The following TRAPPC9 variants were observed in gnomAD, a reference collection of about 807,000 sequenced individuals.
TRAPPC9 encodes the protein IKK2 binding protein.
Under a neutral mutation model 124.0 loss-of-function variants are expected in TRAPPC9, and 83 were observed. That is an observed-to-expected ratio of 0.67 (90% CI 0.56 to 0.80). The LOEUF is 0.80. Ranked by LOEUF, TRAPPC9 falls within the 30% of genes least tolerant of loss-of-function variation. The pLI, the probability that TRAPPC9 is intolerant of heterozygous loss-of-function variation, is 0.00. For missense variants in TRAPPC9, 1,302 were observed against 1,508.3 expected (o/e 0.86, Z 2.27); for synonymous variants, 638 against 617.5 (o/e 1.03, Z -0.49).
intron 7 of TRAPPC9, among the ~76,000 whole-genome samples, chr8:140,394,778 T>C (rs1268760572): frequency 6.6e-6 from 1 of 152,026 alleles, no homozygotes; most frequent in Non-Finnish European, 1.5e-5. Context: ...ACACCCAGTC[T>C]CTCTGCTCAG....
intron 17 of TRAPPC9, among the ~76,000 whole-genome samples, chr8:140,178,204 C>T (rs1587863491): frequency 6.6e-6 from 1 of 152,162 alleles, no homozygotes; most frequent in East Asian, 1.9e-4. Flanking sequence ...GCCTTCTTAC[C>T]GGCCTTAGGA....
intron 5 of TRAPPC9, among the ~76,000 whole-genome samples, chr8:140,420,516 T>G (rs2070164822): frequency 6.6e-6 from 1 of 152,204 alleles, no homozygotes; most frequent in African/African-American, 2.4e-5. Context: ...ATTTTTAAAT[T>G]TATTTATTTT....
At chr8:140,433,141 A>T (rs1330154267) in intron 4 of TRAPPC9, among the ~76,000 whole-genome samples, 3 of 151,108 alleles carry the variant, frequency 2.0e-5, no homozygotes, top group Non-Finnish European at 4.4e-5. Flanking sequence ...GTCTCTACAA[A>T]AATTAGCTGG....
chr8:140,316,250 C>A (rs1381455448), intron 9 of TRAPPC9, among the ~76,000 whole-genome samples: 1 of 152,050 alleles, frequency 6.6e-6, no homozygotes, highest in Non-Finnish European at 1.5e-5. Context: ...CTGAAGTAAT[C>A]TTTTTGATTT....
chr8:139,859,294 T>C (rs1426543642), intron 21 of TRAPPC9, among the ~76,000 whole-genome samples: 4 of 152,072 alleles, frequency 2.6e-5, no homozygotes, highest in Non-Finnish European at 5.9e-5. Flanking sequence ...GGCCGGCTCC[T>C]TTCCTGATCA....
intron 9 of TRAPPC9, among the ~76,000 whole-genome samples, chr8:140,346,657 G>A (rs1393593660): frequency 2.0e-5 from 3 of 152,192 alleles, no homozygotes; most frequent in Admixed American, 6.5e-5. Context: ...TGGGAAGAGG[G>A]AGGAGGAGAA....
In TRAPPC9 at chr8:139,795,041, C is replaced by A. The variant is rs555181148; in HGVS notation, c.3056-62839G>T. Among the ~76,000 whole-genome samples the A allele has an allele frequency of 2.0e-5, 3 of 152,196 alleles. No individual in the cohort carries two copies. In the South Asian group the frequency reaches 6.2e-4, roughly 32 times the overall value. ...TTACTACGTCCCAGTTATTTCTCATCCCTTAGCTTGCTTAGGCCTCTCAAC... is the reference window on the plus strand; with the variant it reads ...TTACTACGTCCCAGTTATTTCTCATACCTTAGCTTGCTTAGGCCTCTCAAC... On this transcript the variant is annotated intron_variant, in intron 21 of 22. Transcript: ENST00000438773.
chr8:140,196,674 C>G (rs368311626), intron 17 of TRAPPC9, among the ~76,000 whole-genome samples: 107 of 151,000 alleles, frequency 7.1e-4, no homozygotes, highest in South Asian at 4.8e-3. Flanking sequence ...AAAACACACT[C>G]AACAATCCAC....
intron 21 of TRAPPC9, among the ~76,000 whole-genome samples, chr8:139,858,895 C>A (rs1040205642): frequency 2.0e-5 from 3 of 149,756 alleles, no homozygotes; most frequent in African/African-American, 7.4e-5. Context: ...TCGCATAAGT[C>A]CCATCTCTCA....
intron 18 of TRAPPC9, among the ~76,000 whole-genome samples, chr8:140,020,922 ATAT>A (rs1374977853): frequency 6.6e-6 from 1 of 152,182 alleles, no homozygotes; most frequent in Non-Finnish European, 1.5e-5. Flanking sequence ...TAACCGTTTG[ATAT>A]TAAGATACCC....
intron 17 of TRAPPC9, chr8:140,098,941 T>C (rs2060512236): frequency 6.6e-6 from 1 of 152,044 alleles, no homozygotes; most frequent in Non-Finnish European, 1.5e-5. Context: ...AGTGCGCAGC[T>C]ACAGCATTCC....
intron 17 of TRAPPC9, among the ~76,000 whole-genome samples, chr8:140,053,770 T>C (rs1842136920): frequency 6.6e-6 from 1 of 152,250 alleles, no homozygotes; most frequent in African/African-American, 2.4e-5. Flanking sequence ...CCGTTACATC[T>C]TCCTGTTGAA....
intron 19 of TRAPPC9, among the ~76,000 whole-genome samples, chr8:139,945,633 C>G (rs1335725597): frequency 6.7e-6 from 1 of 149,626 alleles, no homozygotes; most frequent in Non-Finnish European, 1.5e-5. Context: ...AACTCCAGAG[C>G]TGGTGTGCAG....
chr8:139,784,608 C>CATACATATATATAT (rs1554643612), intron 21 of TRAPPC9, among the ~76,000 whole-genome samples: 52 of 88,650 alleles, frequency 5.9e-4, no homozygotes, highest in African/African-American at 1.9e-3. Context: ...AAAAGACTGA[C>CATACATATATATAT]ATATATATAT....
chr8:140,050,945 T>A (rs148600523), intron 17 of TRAPPC9, among the ~76,000 whole-genome samples: 21 of 152,346 alleles, frequency 1.4e-4, no homozygotes, highest in Non-Finnish European at 7.3e-5. Context: ...GACATTGTCT[T>A]CCACGCTGAA....
At chr8:140,345,794 G>GT (rs1383076834) in intron 9 of TRAPPC9, among the ~76,000 whole-genome samples, 1 of 152,234 alleles carries the variant, frequency 6.6e-6, no homozygotes, top group Non-Finnish European at 1.5e-5. Flanking sequence ...AAGACCTCAG[G>GT]TTCCTGCAGT....
At chr8:140,201,106 G>C (rs915294420) in intron 17 of TRAPPC9, among the ~76,000 whole-genome samples, 1 of 152,200 alleles carries the variant, frequency 6.6e-6, no homozygotes, top group Non-Finnish European at 1.5e-5. Flanking sequence ...GAGTCCAGAG[G>C]GGGAAGAAGA....
upstream of TRAPPC9, chr8:140,458,513 G>A (rs761106917): frequency 5.1e-6 from 8 of 1,583,386 alleles, no homozygotes; most frequent in South Asian, 5.8e-5. Context: ...GCCCCAGCCT[G>A]GGCCGGCTTC....
At position 140,263,271 on chromosome 8, in the gene TRAPPC9, C is replaced by G. The variant is rs2064494099; in HGVS notation, c.2279-10342G>C. Among the ~76,000 whole-genome samples the G allele has an allele frequency of 3.9e-5, 6 of 152,268 alleles. No homozygotes were observed. In the South Asian group the frequency reaches 8.3e-4, roughly 21 times the overall value. On this transcript the variant is annotated intron_variant, in intron 15 of 22. Transcript: ENST00000438773. ...CCCTGCCCACTGCTATCACGGGACA[C>G]CTTGCACCTGTTTACCATTGAGCCT...
Sources: gnomAD v4.1 joint callset for allele counts (sites outside exome capture counted in the v4.1 genomes callset) on GRCh38, gnomAD v4.1.1 for gene constraint, MANE v1.5 for transcripts, NCBI Gene and HGNC (gene_info 2026-07-23, HGNC 2026-07-21) for gene names.